Variants in KLHDC2 observed in about 807,000 individuals in gnomAD.
KLHDC2 encodes the protein kelch domain containing 2, also known as kelch domain-containing protein 2.
A neutral mutation model predicts 62.3 loss-of-function variants in KLHDC2; 38 were observed. The observed-to-expected ratio is 0.61, with a 90% CI of 0.47 to 0.80. The LOEUF (loss-of-function observed/expected upper bound fraction) is 0.80, where lower values mean the gene tolerates loss of function less well. Ranked by LOEUF, KLHDC2 falls within the 30% of genes least tolerant of loss-of-function variation. The pLI, the probability that KLHDC2 is intolerant of heterozygous loss-of-function variation, is 0.00. For synonymous variants in KLHDC2, 159 were observed against 161.0 expected, an observed-to-expected ratio of 0.99 and a Z score of 0.09; for missense variants, 430 against 495.3, an observed-to-expected ratio of 0.87 and a Z score of 1.25.
intron 3 of KLHDC2, among the ~76,000 whole-genome samples, chr14:49,777,015 A>G (rs1889787325): frequency 6.6e-6 from 1 of 152,046 alleles, no homozygotes; most frequent in South Asian, 2.1e-4. Context: ...CCAATCAACA[A>G]GTGGATAAAG....
intron 1 of KLHDC2, 128 bp from the exon 2 acceptor site, chr14:49,771,466 G>A (rs1889662337): frequency 3.6e-6 from 2 of 550,558 alleles, no homozygotes; most frequent in South Asian, 2.3e-5. Flanking sequence ...GGGTGGGGGA[G>A]GATTGTGCAC....
chr14:49,779,539 T>C (rs890785531), intron 6 of KLHDC2, 56 bp from the exon 7 acceptor site: 30 of 1,310,380 alleles, frequency 2.3e-5, no homozygotes, highest in Middle Eastern at 1.9e-4. Context: ...AGAGTAGACA[T>C]AGGTATTTTC....
intron 2 of KLHDC2, among the ~76,000 whole-genome samples, chr14:49,773,250 A>C (rs1300309778): frequency 6.6e-6 from 1 of 150,722 alleles, no homozygotes; most frequent in Admixed American, 6.6e-5. Flanking sequence ...TGTCTCTACT[A>C]AAAAATACAA....
chr14:49,768,483 C>G lies in KLHDC2; in HGVS notation c.15C>G (p.Asn5Lys). The part of the protein sequence containing the change: MADG[N>K]EDLRADDLPG... ...GCAGCCTCAAGATGGCTGATGGCAA[C>G]GAGGATCTGCGGGCTGACGACTTGC... The change falls in exon 1 of 13, where the codon AAC (asparagine) becomes AAG (lysine). Residue 5 changes from asparagine (N) to lysine (K), a missense_variant. Coordinates refer to ENST00000298307, the MANE Select transcript of KLHDC2 (RefSeq NM_014315.3). The G allele has an allele frequency of 6.2e-7, 1 of 1,609,906 alleles. No homozygotes were observed. Among genetic ancestry groups the G allele is most frequent in the Non-Finnish European group, 8.5e-7 (1 of 1,178,598 alleles).
At chr14:49,778,076 A>T (rs1163760887) in intron 4 of KLHDC2, 102 bp from the exon 5 acceptor site, 1 of 921,332 alleles carries the variant, frequency 1.1e-6, no homozygotes, top group Non-Finnish European at 1.7e-6. Flanking sequence ...AGATTAACTG[A>T]ATTAATACAT....
Position 49,785,100 on chromosome 14 carries a change from T to C in KLHDC2, c.*2147T>C. ...AAAACAAATTTAAATACCTTTTCCC[T>C]TTTTCTGCACTCCAGGAGTAAGTTT... On this transcript the variant is annotated 3_prime_UTR_variant, in exon 13 of 13. Transcript: ENST00000298307. The C allele has an allele frequency of 6.2e-7, 1 of 1,603,298 alleles. No homozygotes were observed. Among genetic ancestry groups the C allele is most frequent in the Non-Finnish European group, 8.5e-7 (1 of 1,170,454 alleles).
chr14:49,775,587 G>A (rs1462037176), intron 3 of KLHDC2, among the ~76,000 whole-genome samples: 1 of 149,002 alleles, frequency 6.7e-6, no homozygotes, highest in South Asian at 2.1e-4. Context: ...GGAAGGAGTA[G>A]CCAAGATACA....
rs189875664 is a variant in KLHDC2 at position 49,785,162 on chromosome 14, T to C, written c.*2209T>C. ...TTTAAAAAGGAATTACATGTGTTAC[T>C]AAATAGACGTTACAAAACAATTCAC... On this transcript the variant is annotated 3_prime_UTR_variant, in exon 13 of 13. Coordinates refer to ENST00000298307, the MANE Select transcript of KLHDC2 (RefSeq NM_014315.3). 1.3e-6 allele frequency: 2 copies of C among 1,599,276 alleles called. No individual in the cohort carries two copies. Among genetic ancestry groups the C allele is most frequent in the Non-Finnish European group, 1.7e-6 (2 of 1,166,556 alleles).
intron 2 of KLHDC2, 142 bp from the exon 3 acceptor site, chr14:49,774,419 T>C: frequency 3.0e-6 from 2 of 657,926 alleles, no homozygotes; most frequent in South Asian, 1.7e-5. Flanking sequence ...AGGTTAGACC[T>C]AGGAGAGATC....
chr14:49,777,526 T>C (rs1889797380), intron 3 of KLHDC2, among the ~76,000 whole-genome samples: 1 of 151,446 alleles, frequency 6.6e-6, no homozygotes, highest in Non-Finnish European at 1.5e-5. Flanking sequence ...CCCAGGAGTT[T>C]AGGTTACAGT....
intron 2 of KLHDC2, among the ~76,000 whole-genome samples, chr14:49,772,321 A>G (rs1889680802): frequency 6.6e-6 from 1 of 152,224 alleles, no homozygotes; most frequent in African/African-American, 2.4e-5. Flanking sequence ...TTTAGATTGT[A>G]TAGAATTTTA....
rs1890003601 is a variant in KLHDC2 at position 49,783,344 on chromosome 14, G to C, written c.*391G>C. 6.7e-6 allele frequency: 1 copy of C among 148,268 alleles called. No homozygotes were observed. The highest frequency in any genetic ancestry group is 2.5e-5 in the African/African-American group (1 of 39,866). The allele number at this position is 148,268 out of a possible 1,614,324, so 9.2% of individuals were successfully genotyped here. ...GAGTAGTCTATAGTTATGTAACCTA[G>C]TGTTGTAAATACAATATAATAAAGG... On this transcript the variant is annotated 3_prime_UTR_variant, in exon 13 of 13. Transcript: ENST00000298307.
chr14:49,769,919 G>T (rs989439768), intron 1 of KLHDC2, among the ~76,000 whole-genome samples: 2 of 124,766 alleles, frequency 1.6e-5, no homozygotes, highest in African/African-American at 6.1e-5. Flanking sequence ...TCCAGCCTGG[G>T]CAACAAGAAG....
intron 1 of KLHDC2, among the ~76,000 whole-genome samples, chr14:49,769,826 C>T (rs552000371): frequency 2.6e-5 from 4 of 152,114 alleles, no homozygotes; most frequent in African/African-American, 7.2e-5. Context: ...GCCCTAATCC[C>T]GTCTACTTGA....
rs1419473374 is a variant in KLHDC2, at chr14:49,775,223, TACATATG to T, written c.351+552_351+558del. 1.1e-4 allele frequency among the ~76,000 whole-genome samples: 16 copies of T among 152,348 alleles called. No homozygotes were observed. In the East Asian group the frequency reaches 2.9e-3, roughly 28 times the overall value. ...GACAGATTAAGTCAATCAGAAATGA[TACATATG>T]ACATATATTAGCGCTTACTGAGTTG... On this transcript the variant is annotated intron_variant, in intron 3 of 12. Transcript: ENST00000298307.
At chr14:49,768,720 T>A (rs962247880) in intron 1 of KLHDC2, 99 bp downstream of exon 1, 1 of 1,176,388 alleles carries the variant, frequency 8.5e-7, no homozygotes, top group African/African-American at 1.6e-5. Context: ...CCGAGGGCGC[T>A]CCCCGCCTGC....
chr14:49,775,604 T>C (rs6572612), intron 3 of KLHDC2, among the ~76,000 whole-genome samples: 142,550 of 147,460 alleles, frequency 0.97, 69,104 homozygotes, highest in East Asian at 1. Flanking sequence ...TACAGAGATA[T>C]AAGCAAATGT....
chr14:49,778,201 G>T lies in KLHDC2; in HGVS notation c.491G>T (p.Gly164Val). The T allele has an allele frequency of 6.2e-7, 1 of 1,607,556 alleles. No homozygotes were observed. Among genetic ancestry groups the T allele is most frequent in the Non-Finnish European group, 8.5e-7 (1 of 1,176,848 alleles). The change falls in exon 5 of 13, where the codon GGA becomes GTA. Residue 164 changes from glycine to valine, a missense_variant. Transcript: ENST00000298307. ...AGGTTAATATTTTTTGGAGGGTATG[G>T]ATATTTGCCTGAAGATAAAGTATTG... ...KNKLIFFGGY[G>V]YLPEDKVLGT...
intron 3 of KLHDC2, among the ~76,000 whole-genome samples, chr14:49,776,764 C>T (rs1047942332): frequency 6.6e-6 from 1 of 151,792 alleles, no homozygotes; most frequent in African/African-American, 2.4e-5. Flanking sequence ...ACTAAAAATA[C>T]AAAAATTAGC....
Sources: allele counts gnomAD v4.1 joint callset (sites outside exome capture counted in the v4.1 genomes callset), GRCh38; gene constraint gnomAD v4.1.1; transcripts MANE v1.5; gene names NCBI Gene and HGNC (gene_info 2026-07-23, HGNC 2026-07-21).